Variants in GNAQ observed in about 807,000 individuals in gnomAD.
GNAQ encodes G protein subunit alpha q.
In GNAQ, 8 loss-of-function variants were observed where a neutral mutation model predicts 43.9. The ratio of observed to expected loss-of-function variants is 0.18; its 90% confidence interval spans 0.11 to 0.33. The LOEUF (loss-of-function observed/expected upper bound fraction) is 0.33, where lower values mean the gene tolerates loss of function less well. Ranked by LOEUF, GNAQ falls within the 10% of genes least tolerant of loss-of-function variation. GNAQ has a pLI of 1.00. For missense variants in GNAQ, 158 were observed against 450.8 expected, an observed-to-expected ratio of 0.35 and a Z score of 5.88; for synonymous variants, 155 against 170.7, an observed-to-expected ratio of 0.91 and a Z score of 0.71.
At chr9:77,806,377 T>C (rs1329212296) in intron 3 of GNAQ, among the ~76,000 whole-genome samples, 1 of 152,250 alleles carries the variant, frequency 6.6e-6, no homozygotes, top group Admixed American at 6.5e-5. Context: ...GAATCTGTTA[T>C]ACATTAATTT....
chr9:77,914,757 T>C (rs1828866927), intron 2 of GNAQ, among the ~76,000 whole-genome samples: 1 of 150,794 alleles, frequency 6.6e-6, no homozygotes, highest in Admixed American at 6.6e-5. Context: ...TTTGGTACCC[T>C]GTGGCCAAGA....
chr9:77,872,365 T>C (rs1261847669), intron 2 of GNAQ, among the ~76,000 whole-genome samples: 2 of 152,232 alleles, frequency 1.3e-5, no homozygotes, highest in African/African-American at 4.8e-5. Context: ...ATTTCTTTTG[T>C]TTCTGTTAGC....
chr9:77,946,319 A>T (rs975881397), intron 1 of GNAQ, among the ~76,000 whole-genome samples: 8 of 152,364 alleles, frequency 5.3e-5, no homozygotes, highest in African/African-American at 1.9e-4. Context: ...TGCTTAAACT[A>T]AGAGAATCAC....
chr9:77,833,985 T>C lies in GNAQ; in HGVS notation c.322-18215A>G, dbSNP rs148329453. ...GGAAAATGGTGGGTTTTTTTTAACATAGAGAAAAAATGTTTTAAATATGTA... is the reference window on the plus strand; with the variant it reads ...GGAAAATGGTGGGTTTTTTTTAACACAGAGAAAAAATGTTTTAAATATGTA... On this transcript the variant is annotated intron_variant, in intron 2 of 6. Coordinates refer to ENST00000286548, the MANE Select transcript of GNAQ (RefSeq NM_002072.5). 2.6e-5 allele frequency among the ~76,000 whole-genome samples: 4 copies of C among 152,234 alleles called. No homozygotes were observed. In the East Asian group the frequency reaches 5.8e-4, roughly 22 times the overall value.
chr9:77,957,584 C>G (rs1461087123), intron 1 of GNAQ, among the ~76,000 whole-genome samples: 1 of 152,012 alleles, frequency 6.6e-6, no homozygotes, highest in Non-Finnish European at 1.5e-5. Flanking sequence ...TTGTTTTTTC[C>G]AACTAGGTCA....
At chr9:77,786,604 G>A (rs1359076099) in intron 5 of GNAQ, among the ~76,000 whole-genome samples, 1 of 152,078 alleles carries the variant, frequency 6.6e-6, no homozygotes, top group African/African-American at 2.4e-5. Flanking sequence ...CTATTCACCA[G>A]GAAGATATGC....
intron 6 of GNAQ, among the ~76,000 whole-genome samples, chr9:77,723,962 TAC>T (rs1200485146): frequency 6.6e-6 from 1 of 152,194 alleles, no homozygotes; most frequent in Non-Finnish European, 1.5e-5. Flanking sequence ...CACTGAATTG[TAC>T]ACTTTAAATA....
chr9:78,023,547 T>C (rs1823937875), intron 1 of GNAQ, among the ~76,000 whole-genome samples: 2 of 152,028 alleles, frequency 1.3e-5, no homozygotes, highest in South Asian at 4.1e-4. Context: ...CATTCCTCTT[T>C]AGAAGCAACT....
chr9:77,856,506 A>G (rs1307713721), intron 2 of GNAQ, among the ~76,000 whole-genome samples: 1 of 152,212 alleles, frequency 6.6e-6, no homozygotes, highest in Non-Finnish European at 1.5e-5. Context: ...GAATAATATC[A>G]GTATTTCATA....
At chr9:77,722,864 G>C (rs1053922712) in intron 6 of GNAQ, among the ~76,000 whole-genome samples, 1 of 151,802 alleles carries the variant, frequency 6.6e-6, no homozygotes, top group African/African-American at 2.4e-5. Context: ...ATGTTGTCTT[G>C]AACTTCTGGC....
chr9:77,871,455 C>T (rs1266366513), intron 2 of GNAQ, among the ~76,000 whole-genome samples: 4 of 152,158 alleles, frequency 2.6e-5, no homozygotes, highest in Non-Finnish European at 5.9e-5. Flanking sequence ...TTAAATTACT[C>T]CTTGCTTCTC....
chr9:77,819,979 A>G (rs1827086475), intron 2 of GNAQ, among the ~76,000 whole-genome samples: 1 of 151,632 alleles, frequency 6.6e-6, no homozygotes, highest in African/African-American at 2.4e-5. Context: ...CTCATAATCC[A>G]TTAAATGGAG....
intron 1 of GNAQ, among the ~76,000 whole-genome samples, chr9:77,967,272 G>C (rs573894607): frequency 2.6e-5 from 4 of 152,100 alleles, no homozygotes; most frequent in African/African-American, 7.2e-5. Context: ...CAGTTCCCTC[G>C]GTCAGATCCA....
chr9:77,859,568 A>C (rs1564132419), intron 2 of GNAQ, among the ~76,000 whole-genome samples: 1 of 152,210 alleles, frequency 6.6e-6, no homozygotes, highest in Admixed American at 6.5e-5. Flanking sequence ...TAAAGAAACA[A>C]CGGTTGCCTT....
At chr9:77,847,045 G>A (rs972434501) in intron 2 of GNAQ, among the ~76,000 whole-genome samples, 1 of 152,140 alleles carries the variant, frequency 6.6e-6, no homozygotes, top group Non-Finnish European at 1.5e-5. Context: ...CGCTGAGATA[G>A]CATCAATGCC....
At chr9:77,844,670 T>G (rs1168045166) in intron 2 of GNAQ, among the ~76,000 whole-genome samples, 1 of 152,150 alleles carries the variant, frequency 6.6e-6, no homozygotes, top group African/African-American at 2.4e-5. Context: ...CATTTTTTAT[T>G]TATTTTGTTA....
intron 1 of GNAQ, among the ~76,000 whole-genome samples, chr9:77,994,005 T>C (rs1823539114): frequency 6.6e-6 from 1 of 152,104 alleles, no homozygotes; most frequent in Non-Finnish European, 1.5e-5. Context: ...ATTGAGGGGC[T>C]TTGGGTTTTT....
intron 2 of GNAQ, among the ~76,000 whole-genome samples, chr9:77,920,818 T>G (rs1054386634): frequency 1.3e-5 from 2 of 152,208 alleles, no homozygotes; most frequent in African/African-American, 4.8e-5. Flanking sequence ...AAGAAACCAG[T>G]GTTAATTTCA....
At chr9:77,945,779 G>A (rs1415558306) in intron 1 of GNAQ, among the ~76,000 whole-genome samples, 1 of 152,172 alleles carries the variant, frequency 6.6e-6, no homozygotes, top group Non-Finnish European at 1.5e-5. Flanking sequence ...TAGTGGTGAA[G>A]TTCCCTAAGA....
Sources: allele counts gnomAD v4.1 joint callset (sites outside exome capture counted in the v4.1 genomes callset), GRCh38; gene constraint gnomAD v4.1.1; transcripts MANE v1.5; gene names NCBI Gene and HGNC (gene_info 2026-07-23, HGNC 2026-07-21).